FPR3: variants seen among roughly 807,000 people sequenced by gnomAD.
FPR3 encodes the protein formyl peptide receptor 3, also known as N-formyl peptide receptor 3.
For missense variants in FPR3, 346 were observed against 443.2 expected, an observed-to-expected ratio of 0.78 and a Z score of 1.97; for synonymous variants, 135 against 163.6, an observed-to-expected ratio of 0.83 and a Z score of 1.34.
chr19:51,825,141 G>T lies in FPR3; in HGVS notation c.*331G>T. ...TTCGGACCAACCAGCTTCAATCAGG[G>T]TTCCCACTACCCCCTCTTTGGGGGT... On this transcript the variant is annotated 3_prime_UTR_variant, in exon 2 of 2. Coordinates refer to ENST00000339223, the MANE Select transcript of FPR3 (RefSeq NM_002030.5). The T allele has an allele frequency of 4.0e-6, 1 of 250,816 alleles. No individual in the cohort carries two copies. Among genetic ancestry groups the T allele is most frequent in the African/African-American group, 2.3e-5 (1 of 44,186 alleles). The allele number at this position is 250,816 out of a possible 1,614,324, so 15.5% of individuals were successfully genotyped here.
intron 1 of FPR3, among the ~76,000 whole-genome samples, chr19:51,795,885 TA>T (rs1010929433): frequency 6.6e-6 from 1 of 151,768 alleles, no homozygotes; most frequent in African/African-American, 2.4e-5. Flanking sequence ...TTTACTTTTT[TA>T]AAAACAGTGG....
intron 1 of FPR3, among the ~76,000 whole-genome samples, chr19:51,816,532 A>C (rs2084138451): frequency 6.6e-6 from 1 of 152,174 alleles, no homozygotes; most frequent in Non-Finnish European, 1.5e-5. Flanking sequence ...ACTGGCGTGA[A>C]CCACCATGCC....
At chr19:51,806,222 T>G (rs1021355681) in intron 1 of FPR3, among the ~76,000 whole-genome samples, 2 of 152,178 alleles carry the variant, frequency 1.3e-5, no homozygotes, top group Non-Finnish European at 2.9e-5. Context: ...GGGCCCATGG[T>G]TGGCCACCCC....
At chr19:51,804,414 A>G (rs1338744725) in intron 1 of FPR3, among the ~76,000 whole-genome samples, 3 of 152,234 alleles carry the variant, frequency 2.0e-5, no homozygotes, top group Non-Finnish European at 4.4e-5. Flanking sequence ...TGTATATAAT[A>G]TTTTAATGTA....
At chr19:51,796,483 G>A (rs2083999804) in intron 1 of FPR3, among the ~76,000 whole-genome samples, 1 of 152,168 alleles carries the variant, frequency 6.6e-6, no homozygotes, top group Non-Finnish European at 1.5e-5. Flanking sequence ...TTTGGTTTCT[G>A]TCTGGAGAAT....
Position 51,824,055 on chromosome 19 carries a change from G to T in FPR3, c.307G>T (p.Val103Phe), listed in dbSNP as rs2084211804. Residue 103 changes from valine (V) to phenylalanine (F), a missense_variant, in exon 2 of 2, where the codon GTT (valine) becomes TTT (phenylalanine). By Grantham distance (50) the Val-to-Phe change is conservative. Coordinates refer to ENST00000339223, the MANE Select transcript of FPR3 (RefSeq NM_002030.5). The surrounding 1 kb of genome is among the most constrained non-coding windows in gnomAD (Gnocchi z 4.7). Reference sequence around the variant, plus strand: ...CTCATTCCTATGTAAGTTAGTTCATGTTATGATAGACATCAACCTGTTTGT... The same window carrying T: ...CTCATTCCTATGTAAGTTAGTTCATTTTATGATAGACATCAACCTGTTTGT... The part of the protein sequence containing the change: ...FGSFLCKLVH[V>F]MIDINLFVSV... The T allele has an allele frequency of 1.2e-6, 2 of 1,614,134 alleles. No homozygotes were observed. Among genetic ancestry groups the T allele is most frequent in the Non-Finnish European group, 1.7e-6 (2 of 1,180,004 alleles).
intron 1 of FPR3, among the ~76,000 whole-genome samples, chr19:51,796,598 A>G (rs559146605): frequency 1.3e-5 from 2 of 152,320 alleles, no homozygotes; most frequent in South Asian, 4.1e-4. Flanking sequence ...GGAGATGGCA[A>G]TGGCTCTGGC....
At chr19:51,799,709 A>C (rs2084018141) in intron 1 of FPR3, among the ~76,000 whole-genome samples, 2 of 152,170 alleles carry the variant, frequency 1.3e-5, no homozygotes, top group South Asian at 4.1e-4. Context: ...CAGCAGCTGC[A>C]GGAGGGCAGA....
chr19:51,824,792 G>C lies in FPR3; in HGVS notation c.1044G>C (p.Thr348=), dbSNP rs1342444928. 6.2e-7 allele frequency: 1 copy of C among 1,611,874 alleles called. No individual in the cohort carries two copies. The highest frequency in any genetic ancestry group is 8.5e-7 in the Non-Finnish European group (1 of 1,178,670). Residue 348 remains threonine, a synonymous_variant, in exon 2 of 2, where the codon ACG becomes ACC. Transcript: ENST00000339223. The surrounding 1 kb of genome is among the most constrained non-coding windows in gnomAD (Gnocchi z 4.7). The part of the protein sequence containing the change: ...DTTSASPPEE[T]ELQAM ...CTTCTGCTTCACCTCCTGAGGAGACGGAGTTACAAGCAATGTGAGGTCGGG... is the reference window on the plus strand; with the variant it reads ...CTTCTGCTTCACCTCCTGAGGAGACCGAGTTACAAGCAATGTGAGGTCGGG...
At chr19:51,819,914 A>C (rs1414558932) in intron 1 of FPR3, among the ~76,000 whole-genome samples, 1 of 152,234 alleles carries the variant, frequency 6.6e-6, no homozygotes, top group African/African-American at 2.4e-5. Flanking sequence ...AGAAAGCAGA[A>C]GGACAAATAC....
rs1568425575 is a variant in FPR3, at chr19:51,795,504, C to CCTTTTT, written c.-11+173_-11+174insCTTTTT. On this transcript the variant is annotated intron_variant, in intron 1 of 1. Coordinates refer to ENST00000339223, the MANE Select transcript of FPR3 (RefSeq NM_002030.5). ...TTTGGTTACATGTTCCAGTAACATT[C>CCTTTTT]TTTTTTTTTTTTTTTTTTTTTTTTT... 4.0e-5 allele frequency among the ~76,000 whole-genome samples: 3 copies of CCTTTTT among 74,732 alleles called. 1 individual carries two copies. In the East Asian group the frequency reaches 1.7e-3, roughly 41 times the overall value. 49.0% of individuals were successfully genotyped at this position (74,732 alleles called of 152,430 possible). A position where few individuals can be genotyped will look rare whatever the true frequency, so the allele number is the denominator to read the frequency against.
At chr19:51,813,470 T>C (rs1051406737) in intron 1 of FPR3, among the ~76,000 whole-genome samples, 2 of 152,076 alleles carry the variant, frequency 1.3e-5, no homozygotes, top group African/African-American at 4.8e-5. Context: ...CATGTTTCAG[T>C]GGTGAAAGAT....
At chr19:51,813,397 G>A (rs2084111933) in intron 1 of FPR3, among the ~76,000 whole-genome samples, 1 of 151,954 alleles carries the variant, frequency 6.6e-6, no homozygotes, top group Non-Finnish European at 1.5e-5. Flanking sequence ...CTTGGTATGA[G>A]CAACCTCATT....
chr19:51,797,487 A>G (rs530746413), intron 1 of FPR3, among the ~76,000 whole-genome samples: 2 of 152,310 alleles, frequency 1.3e-5, no homozygotes, highest in South Asian at 2.1e-4. Flanking sequence ...TTTTTTTGGT[A>G]TAAAAAATGA....
At chr19:51,821,229 T>G (rs755019882) in intron 1 of FPR3, among the ~76,000 whole-genome samples, 2 of 152,218 alleles carry the variant, frequency 1.3e-5, no homozygotes, top group Non-Finnish European at 2.9e-5. Context: ...GAGATATCAC[T>G]GACCAAGAAC....
rs1228483190 is a variant in FPR3, at chr19:51,824,191, G to C, written c.443G>C (p.Gly148Ala). The change falls in exon 2 of 2, where the codon GGA (glycine) becomes GCA (alanine). Residue 148 changes from glycine (G) to alanine (A), a missense_variant. Physicochemically the swap from Gly to Ala is moderately conservative, Grantham distance 60. Coordinates refer to ENST00000339223, the MANE Select transcript of FPR3 (RefSeq NM_002030.5). This position sits in a 1 kb window ranked among gnomAD's most constrained non-coding sequence, Gnocchi z 4.7. The part of the protein sequence containing the change: ...TMSLAKRVMT[G>A]LWIFTIVLTL... ...AGTCTGGCCAAGAGGGTGATGACGG[G>C]ACTCTGGATTTTCACCATAGTCCTT... The C allele has an allele frequency of 1.2e-6, 2 of 1,614,154 alleles. No homozygotes were observed. Among genetic ancestry groups the C allele is most frequent in the East Asian group, 4.5e-5 (2 of 44,864 alleles).
chr19:51,814,085 C>T (rs1164909559), intron 1 of FPR3, among the ~76,000 whole-genome samples: 1 of 152,132 alleles, frequency 6.6e-6, no homozygotes, highest in East Asian at 1.9e-4. Flanking sequence ...TAGTAAATTC[C>T]TTCTTGGTTT....
At chr19:51,802,868 T>G (rs1417640173) in intron 1 of FPR3, among the ~76,000 whole-genome samples, 1 of 152,214 alleles carries the variant, frequency 6.6e-6, no homozygotes, top group African/African-American at 2.4e-5. Flanking sequence ...TTCATTTACA[T>G]CGTTACAGAT....
chr19:51,807,040 T>C (rs2084063834), intron 1 of FPR3, among the ~76,000 whole-genome samples: 1 of 152,228 alleles, frequency 6.6e-6, no homozygotes, highest in African/African-American at 2.4e-5. Flanking sequence ...ATGTTGATTG[T>C]AGCCTGCCAC....
Sources: allele counts gnomAD v4.1 joint callset (sites outside exome capture counted in the v4.1 genomes callset), GRCh38; gene constraint gnomAD v4.1.1; non-coding constraint Gnocchi (gnomAD v3.1); transcripts MANE v1.5; gene names NCBI Gene and HGNC (gene_info 2026-07-23, HGNC 2026-07-21).